The following NFATC1 variants were observed in gnomAD, a reference collection of about 807,000 sequenced individuals.
The protein encoded by NFATC1 is nuclear factor of activated T cells 1.
A neutral mutation model predicts 76.0 loss-of-function variants in NFATC1; 22 were observed. The observed-to-expected ratio is 0.29, with a 90% CI of 0.21 to 0.41. NFATC1 has a LOEUF of 0.41. Ranked by LOEUF, NFATC1 falls within the 10% of genes least tolerant of loss-of-function variation. The probability of loss-of-function intolerance (pLI) is 1.00; values close to 1 mark genes in which losing one functional copy is unlikely to be tolerated. For missense variants in NFATC1, 1,357 were observed against 1,337.7 expected, an observed-to-expected ratio of 1.01 and a Z score of -0.23; for synonymous variants, 704 against 613.1, an observed-to-expected ratio of 1.15 and a Z score of -2.19.
chr18:79,400,130 C>A, intron 1 of NFATC1: 1 of 932,056 alleles, frequency 1.1e-6, no homozygotes, highest in Non-Finnish European at 1.3e-6. Flanking sequence ...TGCGGTCGCG[C>A]GCGCGCGAGG....
At position 79,444,748 on chromosome 18, in the gene NFATC1, A is replaced by G. The variant is rs539588372; in HGVS notation, c.1387-4034A>G. On this transcript the variant is annotated intron_variant, in intron 3 of 9. Transcript: ENST00000427363. ...ACCCCCGTGGGCACACACGTGCCCG[A>G]CCCCACAGACCACACCGGCGCTGCA... 2.2e-5 allele frequency among the ~76,000 whole-genome samples: 3 copies of G among 137,900 alleles called. No homozygotes were observed. In the East Asian group the frequency reaches 7.2e-4, roughly 33 times the overall value. 90.5% of individuals were successfully genotyped at this position (137,900 alleles called of 152,430 possible).
rs980348357 is a variant in NFATC1, at chr18:79,489,249, G to A, written c.2782+2312G>A. Among the ~76,000 whole-genome samples, 4 of 152,218 alleles carry A rather than the reference G, an allele frequency of 2.6e-5. 1 individual carries two copies. Among genetic ancestry groups the A allele is most frequent in the South Asian group, 4.1e-4 (2 of 4,834 alleles). On this transcript the variant is annotated intron_variant, in intron 9 of 9. Coordinates refer to ENST00000427363, the MANE Select transcript of NFATC1 (RefSeq NM_001278669.2). ...GCTGCATGGGTGTGGGTGTGACCCCGCCCTGGCCTGCCTGACTGTGCGTGG... is the reference window on the plus strand; with the variant it reads ...GCTGCATGGGTGTGGGTGTGACCCCACCCTGGCCTGCCTGACTGTGCGTGG...
In NFATC1 at chr18:79,411,482, T is replaced by C; in HGVS notation, c.1207T>C (p.Ser403Pro). 6.6e-7 allele frequency: 1 copy of C among 1,506,222 alleles called. No individual in the cohort carries two copies. Among genetic ancestry groups the C allele is most frequent in the Non-Finnish European group, 8.9e-7 (1 of 1,129,542 alleles). The allele number at this position is 1,506,222 out of a possible 1,614,324, so 93.3% of individuals were successfully genotyped here. Reference sequence around the variant, plus strand: ...CCAGTGGGCGAAGCCCAAGCCCCTGTCCCCTACGTCCTACATGAGGTGAGC... The same window carrying C: ...CCAGTGGGCGAAGCCCAAGCCCCTGCCCCCTACGTCCTACATGAGGTGAGC... ...PYQWAKPKPL[S>P]PTSYMSPTLP... The change falls in exon 2 of 10, where the codon TCC (serine) becomes CCC (proline). Residue 403 changes from serine (S) to proline (P), a missense_variant. Coordinates refer to ENST00000427363, the MANE Select transcript of NFATC1 (RefSeq NM_001278669.2).
intron 2 of NFATC1, among the ~76,000 whole-genome samples, chr18:79,413,551 T>C (rs1339131014): frequency 6.6e-6 from 1 of 152,194 alleles, no homozygotes; most frequent in African/African-American, 2.4e-5. Context: ...CCTGGTGGCC[T>C]CATTTGAACT....
chr18:79,410,254 G>A lies in NFATC1; in HGVS notation c.128-149G>A, dbSNP rs193165657. The A allele has an allele frequency of 5.1e-4, 670 of 1,310,708 alleles. 2 individuals carry two copies. In the African/African-American group the frequency reaches 7.6e-3, roughly 15 times the overall value. The allele number at this position is 1,310,708 out of a possible 1,614,324, so 81.2% of individuals were successfully genotyped here. A position where few individuals can be genotyped will look rare whatever the true frequency, so the allele number is the denominator to read the frequency against. ...CACTCCAAGTCGCCCGGAGCTGTCCGGCAGCGTGGTCTCAGGGACGTTTGC... is the reference window on the plus strand; with the variant it reads ...CACTCCAAGTCGCCCGGAGCTGTCCAGCAGCGTGGTCTCAGGGACGTTTGC... On this transcript the variant is annotated intron_variant, in intron 1 of 9. Transcript: ENST00000427363. This position sits in a 1 kb window ranked among gnomAD's most constrained non-coding sequence, Gnocchi z 6.7.
intron 9 of NFATC1, among the ~76,000 whole-genome samples, chr18:79,510,847 TCTGCCGGGGCATCC>T (rs2090228835): frequency 6.6e-6 from 1 of 150,646 alleles, no homozygotes; most frequent in African/African-American, 2.5e-5. Context: ...CGGGGCATCC[TCTGCCGGGGCATCC>T]TCTGCCGGGG....
intron 1 of NFATC1, among the ~76,000 whole-genome samples, chr18:79,403,557 G>A (rs1173759279): frequency 2.0e-5 from 3 of 152,202 alleles, no homozygotes; most frequent in Non-Finnish European, 1.5e-5. Context: ...AGTTATTTTG[G>A]CCAGCTTGGC....
chr18:79,451,999 G>A (rs766801273), intron 6 of NFATC1, 183 bp downstream of exon 6: 18 of 635,894 alleles, frequency 2.8e-5, no homozygotes, highest in Non-Finnish European at 4.1e-5. Flanking sequence ...TGTGTGAGCC[G>A]ACAGCTGTGC....
At chr18:79,464,602 G>C (rs1149501) in intron 7 of NFATC1, among the ~76,000 whole-genome samples, 1 of 142,914 alleles carries the variant, frequency 7.0e-6, no homozygotes, top group Admixed American at 7.0e-5. Context: ...TGTTCACGCA[G>C]ACACACACAC....
intron 3 of NFATC1, among the ~76,000 whole-genome samples, chr18:79,440,394 G>A (rs932360628): frequency 1.3e-5 from 2 of 152,260 alleles, no homozygotes; most frequent in African/African-American, 2.4e-5. Context: ...GACAGGAGGA[G>A]TGGACACGTC....
chr18:79,433,966 C>T (rs2086686943), intron 3 of NFATC1, among the ~76,000 whole-genome samples: 1 of 152,222 alleles, frequency 6.6e-6, no homozygotes, highest in South Asian at 2.1e-4. Context: ...CAGATTTGCC[C>T]GAAGCAGCTC....
chr18:79,468,318 T>C (rs1487991034), intron 8 of NFATC1: 3 of 152,166 alleles, frequency 2.0e-5, no homozygotes, highest in African/African-American at 7.2e-5. Context: ...CCTTTGTGGG[T>C]ACAGGCCACT....
At chr18:79,431,262 G>A (rs913042018) in intron 2 of NFATC1, among the ~76,000 whole-genome samples, 11 of 152,236 alleles carry the variant, frequency 7.2e-5, no homozygotes, top group African/African-American at 2.4e-4. Flanking sequence ...GAACATTTTA[G>A]GTGTTTGTAT....
At chr18:79,475,933 G>A (rs957374517) in intron 8 of NFATC1, among the ~76,000 whole-genome samples, 7 of 152,224 alleles carry the variant, frequency 4.6e-5, no homozygotes, top group South Asian at 2.1e-4. Context: ...GGGAACCAGC[G>A]TCAGGATCCA....
At chr18:79,404,401 C>T (rs921009618) in intron 1 of NFATC1, among the ~76,000 whole-genome samples, 4 of 152,354 alleles carry the variant, frequency 2.6e-5, no homozygotes, top group Middle Eastern at 3.4e-3. Context: ...GACCACGTCC[C>T]GGTGCCACTG....
At chr18:79,424,278 A>G (rs1278417145) in intron 2 of NFATC1, among the ~76,000 whole-genome samples, 1 of 151,974 alleles carries the variant, frequency 6.6e-6, no homozygotes, top group Non-Finnish European at 1.5e-5. Context: ...GCTGCCCTCC[A>G]GGAAGGCCGA....
intron 8 of NFATC1, among the ~76,000 whole-genome samples, chr18:79,472,845 G>A (rs997232642): frequency 6.6e-6 from 1 of 152,258 alleles, no homozygotes; most frequent in African/African-American, 2.4e-5. Context: ...TCAGCCTTAA[G>A]AGACTTTCCA....
intron 9 of NFATC1, among the ~76,000 whole-genome samples, chr18:79,517,736 C>G (rs2090418407): frequency 1.3e-5 from 2 of 152,200 alleles, no homozygotes; most frequent in Admixed American, 6.5e-5. Context: ...GATAAATACT[C>G]TTAGACTTGA....
chr18:79,514,909 T>C (rs902226967), intron 9 of NFATC1, among the ~76,000 whole-genome samples: 1 of 151,818 alleles, frequency 6.6e-6, no homozygotes, highest in Non-Finnish European at 1.5e-5. Flanking sequence ...CCAGGCATGG[T>C]AGCATGCACC....
Sources: gnomAD v4.1 joint callset for allele counts (sites outside exome capture counted in the v4.1 genomes callset) on GRCh38, gnomAD v4.1.1 for gene constraint, Gnocchi (gnomAD v3.1) non-coding constraint, MANE v1.5 for transcripts, NCBI Gene and HGNC (gene_info 2026-07-23, HGNC 2026-07-21) for gene names.